TNKS: variants seen among roughly 807,000 people sequenced by gnomAD.
The protein encoded by TNKS is poly [ADP-ribose] polymerase tankyrase-1.
In TNKS, 72 loss-of-function variants were observed where a neutral mutation model predicts 135.8. The ratio of observed to expected loss-of-function variants is 0.53; its 90% CI spans 0.44 to 0.64. The LOEUF (loss-of-function observed/expected upper bound fraction) is 0.64. TNKS is among the 30% of genes least tolerant of loss of function. The pLI, the probability that TNKS is intolerant of heterozygous loss-of-function variation, is 0.00. For missense variants in TNKS, 1,769 were observed against 1,674.0 expected, an observed-to-expected ratio of 1.06 and a Z score of -0.99; for synonymous variants, 849 against 649.3, an observed-to-expected ratio of 1.31 and a Z score of -4.68.
At chr8:9,769,132 C>G (rs935891992) in intron 25 of TNKS, among the ~76,000 whole-genome samples, 16 of 152,200 alleles carry the variant, frequency 1.1e-4, no homozygotes, top group Non-Finnish European at 1.9e-4. Flanking sequence ...CATACAATCC[C>G]TGTCACAGTA....
At chr8:9,573,462 A>G (rs1473650381) in intron 1 of TNKS, among the ~76,000 whole-genome samples, 1 of 152,182 alleles carries the variant, frequency 6.6e-6, no homozygotes, top group African/African-American at 2.4e-5. Context: ...GTACAAGAGT[A>G]GGTTACATTC....
At chr8:9,576,626 G>A (rs1012976409) in intron 1 of TNKS, among the ~76,000 whole-genome samples, 2 of 151,960 alleles carry the variant, frequency 1.3e-5, no homozygotes, top group East Asian at 1.9e-4. Context: ...CAGCACTAGG[G>A]TGATGGTGCT....
rs374665141 is a variant in TNKS, at chr8:9,734,912, G to A, written c.2361G>A (p.Leu787=). The change falls in exon 16 of 27, where the codon TTG becomes TTA. Residue 787 remains leucine (L), a synonymous_variant. Transcript: ENST00000310430. ...TKKNRDGNTP[L]DLVKEGDTDI... The stretch of plus-strand genomic sequence containing the variant: ...AGAACAGAGATGGAAATACACCTTT[G>A]GATTTGGTAAAGGAAGGAGACACAG... 2 of 1,614,112 alleles carry A rather than the reference G, an allele frequency of 1.2e-6. No homozygotes were observed. The highest frequency in any genetic ancestry group is 1.7e-6 in the Non-Finnish European group (2 of 1,180,014).
intron 3 of TNKS, among the ~76,000 whole-genome samples, chr8:9,658,961 A>G (rs1801562114): frequency 6.6e-6 from 1 of 152,232 alleles, no homozygotes; most frequent in Non-Finnish European, 1.5e-5. Flanking sequence ...CAGACTTTAA[A>G]CCAACCAAGA....
At chr8:9,571,390 A>G (rs1159881567) in intron 1 of TNKS, among the ~76,000 whole-genome samples, 2 of 152,036 alleles carry the variant, frequency 1.3e-5, no homozygotes, top group Non-Finnish European at 2.9e-5. Context: ...GTTTGGATAT[A>G]CTGTGTTTGT....
Position 9,555,924 on chromosome 8 carries a change from C to A in TNKS, c.-16C>A. 6.2e-7 allele frequency: 1 copy of A among 1,603,036 alleles called. No individual in the cohort carries two copies. The highest frequency in any genetic ancestry group is 1.3e-5 in the African/African-American group (1 of 74,934). On this transcript the variant is annotated 5_prime_UTR_variant, in exon 1 of 27. Coordinates refer to ENST00000310430, the MANE Select transcript of TNKS (RefSeq NM_003747.3). ...GGGGGCCGTTGCCGCAGTGACAGTG[C>A]TAGGGGAGTCCGAAGATGGCGGCGT...
intron 1 of TNKS, among the ~76,000 whole-genome samples, chr8:9,565,204 C>T (rs999166330): frequency 1.3e-5 from 2 of 152,180 alleles, no homozygotes; most frequent in South Asian, 2.1e-4. Flanking sequence ...ATTAAAGCAG[C>T]GTGAGGGTAA....
chr8:9,626,355 A>G (rs1800052856), intron 3 of TNKS, among the ~76,000 whole-genome samples: 1 of 152,124 alleles, frequency 6.6e-6, no homozygotes, highest in African/African-American at 2.4e-5. Context: ...CATGCTGACA[A>G]TTTGTTTTTG....
intron 2 of TNKS, among the ~76,000 whole-genome samples, chr8:9,600,719 A>T (rs577799873): frequency 9.2e-5 from 14 of 152,316 alleles, no homozygotes; most frequent in African/African-American, 3.4e-4. Context: ...GGGTGAAATT[A>T]ATTTGTTCCA....
intron 26 of TNKS, among the ~76,000 whole-genome samples, chr8:9,770,854 C>T (rs907245721): frequency 1.3e-5 from 2 of 151,994 alleles, no homozygotes; most frequent in Non-Finnish European, 1.5e-5. Context: ...ATGGAGATAC[C>T]GTGGGCAAAA....
At chr8:9,605,083 C>G (rs1799164761) in intron 2 of TNKS, among the ~76,000 whole-genome samples, 1 of 152,002 alleles carries the variant, frequency 6.6e-6, no homozygotes, top group African/African-American at 2.4e-5. Context: ...TGAGGTTTGA[C>G]AAATGTGTAT....
intron 3 of TNKS, among the ~76,000 whole-genome samples, chr8:9,622,151 T>C (rs1799890691): frequency 6.6e-6 from 1 of 152,228 alleles, no homozygotes; most frequent in Admixed American, 6.5e-5. Context: ...GAGAAGAATG[T>C]AAAACTCACA....
chr8:9,613,637 A>AT (rs1156833806), intron 2 of TNKS, among the ~76,000 whole-genome samples: 35 of 152,328 alleles, frequency 2.3e-4, no homozygotes, highest in African/African-American at 8.2e-4. Context: ...GGTCTAATTA[A>AT]AGAGGTAGGC....
chr8:9,734,630 C>G (rs1016681664), intron 15 of TNKS, among the ~76,000 whole-genome samples: 1 of 152,184 alleles, frequency 6.6e-6, no homozygotes, highest in South Asian at 2.1e-4. Context: ...ATACTTAACA[C>G]TCTCCCTACT....
At chr8:9,699,592 G>A (rs900609352) in intron 5 of TNKS, among the ~76,000 whole-genome samples, 4 of 152,080 alleles carry the variant, frequency 2.6e-5, no homozygotes, top group African/African-American at 9.7e-5. Context: ...ATTCACATGG[G>A]AATGATGACT....
At chr8:9,759,049 T>TA (rs1171937413) in intron 20 of TNKS, among the ~76,000 whole-genome samples, 1 of 152,170 alleles carries the variant, frequency 6.6e-6, no homozygotes, top group Admixed American at 6.5e-5. Context: ...TGAGCCTGTA[T>TA]AACATGGTTT....
intron 1 of TNKS, among the ~76,000 whole-genome samples, chr8:9,573,125 A>G (rs962175239): frequency 3.3e-5 from 5 of 152,114 alleles, no homozygotes; most frequent in Non-Finnish European, 5.9e-5. Flanking sequence ...CACATTTGTC[A>G]CCAAGTGCCT....
intron 2 of TNKS, among the ~76,000 whole-genome samples, chr8:9,610,347 A>G (rs558490259): frequency 2.8e-4 from 43 of 151,546 alleles, no homozygotes; most frequent in African/African-American, 9.9e-4. Context: ...GTAGCATACT[A>G]TATATGATAT....
Position 9,602,147 on chromosome 8 carries a change from C to G in TNKS, c.899-13435C>G, listed in dbSNP as rs550114734. 5.3e-5 allele frequency among the ~76,000 whole-genome samples: 8 copies of G among 152,254 alleles called. 1 individual carries two copies. In the South Asian group the frequency reaches 1.7e-3, roughly 32 times the overall value. The stretch of plus-strand genomic sequence containing the variant: ...TAAACATAACACACAGGACAGCTCC[C>G]CGCCGTTAAGTGCATTCAACAGACA... On this transcript the variant is annotated intron_variant, in intron 2 of 26. Transcript: ENST00000310430.
Sources: gnomAD v4.1 joint callset for allele counts (sites outside exome capture counted in the v4.1 genomes callset) on GRCh38, gnomAD v4.1.1 for gene constraint, MANE v1.5 for transcripts, NCBI Gene and HGNC (gene_info 2026-07-23, HGNC 2026-07-21) for gene names.